STK32B: variants seen among roughly 807,000 people sequenced by gnomAD.
The protein encoded by STK32B is serine/threonine kinase 32B.
A neutral mutation model predicts 52.6 loss-of-function variants in STK32B; 43 were observed. The ratio of observed to expected loss-of-function variants is 0.82; its 90% CI spans 0.64 to 1.05. The LOEUF (loss-of-function observed/expected upper bound fraction) is 1.05. STK32B is among the 50% of genes least tolerant of loss of function. STK32B has a pLI of 0.00. For synonymous variants in STK32B, 238 were observed against 204.3 expected (o/e 1.17, Z -1.41); for missense variants, 621 against 534.6 (o/e 1.16, Z -1.59).
At chr4:5,133,410 T>G (rs1458325110) in intron 1 of STK32B, among the ~76,000 whole-genome samples, 1 of 152,198 alleles carries the variant, frequency 6.6e-6, no homozygotes, top group Non-Finnish European at 1.5e-5. Context: ...GAGGGTGATC[T>G]CATTTCCCAC....
intron 4 of STK32B, among the ~76,000 whole-genome samples, chr4:5,391,113 C>T (rs1394715986): frequency 6.6e-6 from 1 of 151,958 alleles, no homozygotes; most frequent in Non-Finnish European, 1.5e-5. Flanking sequence ...CACCCGCCAC[C>T]ACACCTGGCT....
At chr4:5,427,054 A>G (rs963794451) in intron 6 of STK32B, 1 of 152,218 alleles carries the variant, frequency 6.6e-6, no homozygotes, top group Non-Finnish European at 1.5e-5. Flanking sequence ...AGTTCTTTAT[A>G]AGGTGAAGAA....
chr4:5,371,724 C>T (rs1735259007), intron 4 of STK32B, among the ~76,000 whole-genome samples: 1 of 152,186 alleles, frequency 6.6e-6, no homozygotes, highest in South Asian at 2.1e-4. Flanking sequence ...TCAACCCTGC[C>T]ACTGCAACAA....
chr4:5,253,057 C>A (rs1462024908), intron 3 of STK32B, among the ~76,000 whole-genome samples: 1 of 152,134 alleles, frequency 6.6e-6, no homozygotes, highest in East Asian at 1.9e-4. Context: ...TAAAATAATT[C>A]CAGACCTTTC....
At chr4:5,481,493 CAGAT>C (rs1268985792) in intron 11 of STK32B, among the ~76,000 whole-genome samples, 1 of 152,094 alleles carries the variant, frequency 6.6e-6, no homozygotes, top group Non-Finnish European at 1.5e-5. Context: ...AGCCCATTGT[CAGAT>C]GAGTAGATTG....
intron 3 of STK32B, among the ~76,000 whole-genome samples, chr4:5,241,953 C>T (rs1289285461): frequency 6.6e-6 from 1 of 152,176 alleles, no homozygotes; most frequent in African/African-American, 2.4e-5. Context: ...ATATGTGCCA[C>T]ATTTTCTTAA....
rs930186829 is a variant in STK32B at position 5,467,004 on chromosome 4, G to C, written c.1041+170G>C. Among the ~76,000 whole-genome samples the C allele has an allele frequency of 6.6e-6, 1 of 152,016 alleles. No individual in the cohort carries two copies. Among genetic ancestry groups the C allele is most frequent in the Non-Finnish European group, 1.5e-5 (1 of 67,988 alleles). On this transcript the variant is annotated intron_variant, in intron 10 of 11. Coordinates refer to ENST00000282908, the MANE Select transcript of STK32B (RefSeq NM_018401.3). The surrounding 1 kb of genome is among the most constrained non-coding windows in gnomAD (Gnocchi z 5.8). The stretch of plus-strand genomic sequence containing the variant: ...CAAACAAGTAGGGGGAAAGAGTGAA[G>C]TAAGGCATTCACACTCCTGGCATTC...
intron 5 of STK32B, among the ~76,000 whole-genome samples, chr4:5,411,828 G>T (rs1185683495): frequency 6.6e-6 from 1 of 152,100 alleles, no homozygotes; most frequent in East Asian, 1.9e-4. Flanking sequence ...AATGGCTGTT[G>T]TTTAACTCAC....
intron 1 of STK32B, among the ~76,000 whole-genome samples, chr4:5,087,830 A>G (rs78416463): frequency 0.027 from 4,109 of 152,118 alleles, 169 homozygotes; most frequent in African/African-American, 0.094. Flanking sequence ...GTGGAAATGA[A>G]CATGTGAACA....
intron 1 of STK32B, among the ~76,000 whole-genome samples, chr4:5,123,978 G>A (rs1715213600): frequency 6.6e-6 from 1 of 152,110 alleles, no homozygotes; most frequent in Non-Finnish European, 1.5e-5. Context: ...GCCTTCTCAT[G>A]TGTGATCTCA....
At chr4:5,298,390 C>A (rs556070459) in intron 3 of STK32B, among the ~76,000 whole-genome samples, 7 of 152,286 alleles carry the variant, frequency 4.6e-5, no homozygotes, top group Admixed American at 4.6e-4. Flanking sequence ...CCCATAGCCA[C>A]CCCTTCCCCC....
intron 4 of STK32B, among the ~76,000 whole-genome samples, chr4:5,376,080 A>G (rs1735567358): frequency 6.6e-6 from 1 of 152,110 alleles, no homozygotes; most frequent in South Asian, 2.1e-4. Context: ...CCCCATCTTC[A>G]GTGGTCCCCT....
At chr4:5,383,864 G>A (rs192980918) in intron 4 of STK32B, among the ~76,000 whole-genome samples, 1 of 152,348 alleles carries the variant, frequency 6.6e-6, no homozygotes, top group African/African-American at 2.4e-5. Flanking sequence ...GCAGTGGGGG[G>A]ATAAAGTCTC....
chr4:5,202,675 T>C (rs182664061), intron 3 of STK32B, among the ~76,000 whole-genome samples: 6 of 152,360 alleles, frequency 3.9e-5, no homozygotes, highest in Admixed American at 1.3e-4. Flanking sequence ...TCAACTCTTA[T>C]CTTCTGCACA....
chr4:5,459,319 C>T lies in STK32B; in HGVS notation c.784-784C>T, dbSNP rs147101066. Reference sequence around the variant, plus strand: ...CACCTTTCTAAGTATGTGCCAGGTCCTTACCAGTCCCATTTGGTCTCATCC... The same window carrying T: ...CACCTTTCTAAGTATGTGCCAGGTCTTTACCAGTCCCATTTGGTCTCATCC... On this transcript the variant is annotated intron_variant, in intron 8 of 11. Transcript: ENST00000282908. Among the ~76,000 whole-genome samples the T allele has an allele frequency of 2.2e-3, 317 of 147,062 alleles. 4 individuals are homozygous for T. The highest frequency in any genetic ancestry group is 0.014 in the Middle Eastern group (4 of 286).
At chr4:5,065,253 C>T (rs1454196758) in intron 1 of STK32B, among the ~76,000 whole-genome samples, 5 of 152,166 alleles carry the variant, frequency 3.3e-5, no homozygotes, top group African/African-American at 1.2e-4. Flanking sequence ...TAAGTAGAGT[C>T]AAAGAGGACT....
In STK32B at chr4:5,378,526, TTTC is replaced by T. The variant is rs1735723011; in HGVS notation, c.435-19675_435-19673del. The stretch of plus-strand genomic sequence containing the variant: ...ATTCCTATGCCCTTTATCTTTCTGT[TTTC>T]TTCTTTTTTTGCATTCTATAGTATT... On this transcript the variant is annotated intron_variant, in intron 4 of 11. Coordinates refer to ENST00000282908, the MANE Select transcript of STK32B (RefSeq NM_018401.3). The surrounding 1 kb of genome is among the most constrained non-coding windows in gnomAD (Gnocchi z 4.4). 6.6e-6 allele frequency among the ~76,000 whole-genome samples: 1 copy of T among 152,224 alleles called. No individual in the cohort carries two copies. Among genetic ancestry groups the T allele is most frequent in the Non-Finnish European group, 1.5e-5 (1 of 68,042 alleles).
At chr4:5,126,809 A>C (rs1715390968) in intron 1 of STK32B, among the ~76,000 whole-genome samples, 1 of 152,206 alleles carries the variant, frequency 6.6e-6, no homozygotes, top group Non-Finnish European at 1.5e-5. Flanking sequence ...TAATATCTAA[A>C]ACATGGCCAT....
chr4:5,313,066 C>G (rs187186850), intron 3 of STK32B, among the ~76,000 whole-genome samples: 55 of 151,210 alleles, frequency 3.6e-4, no homozygotes, highest in African/African-American at 1.3e-3. Context: ...ATGCAAAAAT[C>G]TCAACAAAAA....
Sources: gnomAD v4.1 joint callset for allele counts (sites outside exome capture counted in the v4.1 genomes callset) on GRCh38, gnomAD v4.1.1 for gene constraint, Gnocchi (gnomAD v3.1) non-coding constraint, MANE v1.5 for transcripts, NCBI Gene and HGNC (gene_info 2026-07-23, HGNC 2026-07-21) for gene names.